The following UBAP1 variants were observed in gnomAD, a reference collection of about 807,000 sequenced individuals.
UBAP1 encodes ubiquitin associated protein 1, also known as ubiquitin-associated protein 1.
A neutral mutation model predicts 39.0 loss-of-function variants in UBAP1; 5 were observed. The ratio of observed to expected loss-of-function variants is 0.13; its 90% CI spans 0.07 to 0.27. The LOEUF (loss-of-function observed/expected upper bound fraction) is 0.27. Ranked by LOEUF, UBAP1 falls within the 10% of genes least tolerant of loss-of-function variation. UBAP1 has a pLI of 1.00. For missense variants in UBAP1, 490 were observed against 608.1 expected (o/e 0.81, Z 2.04); for synonymous variants, 211 against 225.1 (o/e 0.94, Z 0.56).
intron 1 of UBAP1, among the ~76,000 whole-genome samples, chr9:34,180,146 T>C (rs1387980475): frequency 6.6e-6 from 1 of 152,198 alleles, no homozygotes; most frequent in Non-Finnish European, 1.5e-5. Flanking sequence ...TTGTCAGATT[T>C]GATGGTGGGA....
At chr9:34,192,243 G>A (rs892068994) in intron 1 of UBAP1, among the ~76,000 whole-genome samples, 7 of 151,850 alleles carry the variant, frequency 4.6e-5, no homozygotes, top group South Asian at 4.2e-4. Context: ...CAGGCCAGGC[G>A]CGGTGGCTCA....
Position 34,236,276 on chromosome 9 carries a change from T to TGCTATACAGGTTTATAGCCTAGGA in UBAP1, c.159+1939_159+1962dup, listed in dbSNP as rs1350823775. Among the ~76,000 whole-genome samples, 28 of 152,284 alleles carry TGCTATACAGGTTTATAGCCTAGGA rather than the reference T, an allele frequency of 1.8e-4. No individual in the cohort carries two copies. The South Asian group carries it at 3.1e-3, about 17-fold the overall frequency. On this transcript the variant is annotated intron_variant, in intron 3 of 6. Transcript: ENST00000297661. ...GCCTACAGTATTCAGCATAGTAACA[T>TGCTATACAGGTTTATAGCCTAGGA]GCTATACAGGTTTATAGCCTAGGAG...
At chr9:34,249,990 G>A in intron 5 of UBAP1, 29 bp downstream of exon 5, 1 of 1,610,476 alleles carries the variant, frequency 6.2e-7, no homozygotes, top group African/African-American at 1.3e-5. Flanking sequence ...AGGAGGGCAG[G>A]CTCAGACCTG....
At chr9:34,179,288 G>T in intron 1 of UBAP1, 48 bp downstream of exon 1, 6 of 1,080,978 alleles carry the variant, frequency 5.6e-6, no homozygotes, top group Non-Finnish European at 7.0e-6. Context: ...GCGGAGTTGG[G>T]GGAGGGGGGC....
chr9:34,225,621 C>CA (rs200403643), intron 2 of UBAP1, among the ~76,000 whole-genome samples: 5,820 of 149,680 alleles, frequency 0.039, 158 homozygotes, highest in South Asian at 0.07. Context: ...ACTAAAAATA[C>CA]AAAAAAAAAT....
chr9:34,223,139 T>C (rs1832849311), intron 2 of UBAP1, among the ~76,000 whole-genome samples: 1 of 152,106 alleles, frequency 6.6e-6, no homozygotes, highest in South Asian at 2.1e-4. Flanking sequence ...TCTCCTTAAA[T>C]TCCTAACCAG....
At chr9:34,239,038 C>T (rs999611632) in intron 3 of UBAP1, among the ~76,000 whole-genome samples, 1 of 152,176 alleles carries the variant, frequency 6.6e-6, no homozygotes, top group Non-Finnish European at 1.5e-5. Context: ...TTTTTGTTCT[C>T]TAATGCACAA....
At chr9:34,203,828 C>A (rs1831533675) in intron 1 of UBAP1, among the ~76,000 whole-genome samples, 1 of 152,068 alleles carries the variant, frequency 6.6e-6, no homozygotes, top group African/African-American at 2.4e-5. Context: ...CAGTGTTCCC[C>A]TGGGGATTTG....
Position 34,242,035 on chromosome 9 carries a change from C to T in UBAP1, c.1010C>T (p.Ser337Phe), listed in dbSNP as rs776703270. 1.2e-6 allele frequency: 2 copies of T among 1,614,208 alleles called. No individual in the cohort carries two copies. Among genetic ancestry groups the T allele is most frequent in the East Asian group, 2.2e-5 (1 of 44,892 alleles). The change falls in exon 4 of 7, where the codon TCC becomes TTC. Residue 337 changes from serine to phenylalanine, a missense_variant. Ser to Phe is a radical substitution (Grantham distance 155). Around this residue, in one of 3 missense-constraint regions of UBAP1, gnomAD observed 339 missense variants for 390.0 expected, o/e 0.87. Coordinates refer to ENST00000297661, the MANE Select transcript of UBAP1 (RefSeq NM_016525.5). Reference protein sequence around the residue: ...DSGTEMPALTSSQMPSLSVLS... With the variant: ...DSGTEMPALTFSQMPSLSVLS... ...GGCACAGAGATGCCAGCCCTGACAT[C>T]CTCCCAGATGCCTTCCCTCTCTGTT...
At chr9:34,216,247 A>C (rs1215814854) in intron 1 of UBAP1, among the ~76,000 whole-genome samples, 2 of 151,996 alleles carry the variant, frequency 1.3e-5, no homozygotes, top group Admixed American at 1.3e-4. Flanking sequence ...ATAGCATGAA[A>C]TTAACCATGT....
At chr9:34,202,662 TGTGTGTGTGTGTGTGTCCCC>T (rs1210191941) in intron 1 of UBAP1, among the ~76,000 whole-genome samples, 1 of 147,042 alleles carries the variant, frequency 6.8e-6, no homozygotes, top group African/African-American at 2.5e-5. Flanking sequence ...TGTGTGTGTG[TGTGTGTGTGTGTGTGTCCCC>T]GTCCCCGTAT....
At chr9:34,246,653 C>T (rs1478408133) in intron 4 of UBAP1, among the ~76,000 whole-genome samples, 2 of 152,128 alleles carry the variant, frequency 1.3e-5, no homozygotes, top group African/African-American at 4.8e-5. Flanking sequence ...GCAGTGTGTC[C>T]GCTGAGTTGT....
intron 4 of UBAP1, among the ~76,000 whole-genome samples, chr9:34,249,530 A>T (rs1587892041): frequency 6.6e-6 from 1 of 152,098 alleles, no homozygotes; most frequent in South Asian, 2.1e-4. Flanking sequence ...CCAAAGTGGG[A>T]CTAGGGCAGA....
Position 34,196,879 on chromosome 9 carries a change from G to A in UBAP1, c.-8+17639G>A, listed in dbSNP as rs567299959. On this transcript the variant is annotated intron_variant, in intron 1 of 6. Transcript: ENST00000297661. ...TTTGTTTTCATTTTGTTCATGTATT[G>A]TCTTTCTAATATTGTTATTTGTGTG... 1.4e-3 allele frequency among the ~76,000 whole-genome samples: 206 copies of A among 148,892 alleles called. 1 individual carries two copies. Among genetic ancestry groups the A allele is most frequent in the Non-Finnish European group, 2.7e-3 (180 of 67,124 alleles).
In UBAP1 at chr9:34,217,783, CTTTTTTTTTTTTTT is replaced by C. The variant is rs750494361; in HGVS notation, c.-7-3108_-7-3095del. On this transcript the variant is annotated intron_variant, in intron 1 of 6. Coordinates refer to ENST00000297661, the MANE Select transcript of UBAP1 (RefSeq NM_016525.5). ...TTGTCATAAATGACAGGATTTCGTT[CTTTTTTTTTTTTTT>C]TTTTTTTTTTTTTTTTGAGACAGAC... Among the ~76,000 whole-genome samples, 42 of 41,226 alleles carry C rather than the reference CTTTTTTTTTTTTTT, an allele frequency of 1.0e-3. No individual in the cohort carries two copies. The South Asian group carries it at 0.026, about 25-fold the overall frequency. The allele number at this position is 41,226 out of a possible 152,430, so 27.0% of individuals were successfully genotyped here. A position where few individuals can be genotyped will look rare whatever the true frequency, so the allele number is the denominator to read the frequency against.
intron 1 of UBAP1, among the ~76,000 whole-genome samples, chr9:34,189,001 T>G (rs898579952): frequency 6.6e-6 from 1 of 151,942 alleles, no homozygotes; most frequent in Non-Finnish European, 1.5e-5. Context: ...TTTGCCTGTC[T>G]TTTGCTTCAT....
chr9:34,198,573 G>A (rs979351183), intron 1 of UBAP1, among the ~76,000 whole-genome samples: 1 of 152,238 alleles, frequency 6.6e-6, no homozygotes, highest in African/African-American at 2.4e-5. Flanking sequence ...GATGGGCAGA[G>A]CTGGTGGTTG....
In UBAP1 at chr9:34,183,877, TCTC is replaced by T. The variant is rs899357228; in HGVS notation, c.-8+4640_-8+4642del. ...CTGCCGCCTCCCGGGTTCAAGTGAT[TCTC>T]CTACCCCAGGCTCCCGAGTAGCTGG... On this transcript the variant is annotated intron_variant, in intron 1 of 6. Transcript: ENST00000297661. 1.6e-3 allele frequency among the ~76,000 whole-genome samples: 246 copies of T among 151,886 alleles called. 4 individuals carry two copies. The highest frequency in any genetic ancestry group is 6.2e-4 in the Non-Finnish European group (42 of 67,942).
At position 34,181,724 on chromosome 9, in the gene UBAP1, G is replaced by A. The variant is rs1478000023; in HGVS notation, c.-8+2484G>A. Reference sequence around the variant, plus strand: ...TGGGATTACAGGCGTGAGCCACCGTGCCAGGCCTTTTTTTTTTTTTTTTTA... The same window carrying A: ...TGGGATTACAGGCGTGAGCCACCGTACCAGGCCTTTTTTTTTTTTTTTTTA... On this transcript the variant is annotated intron_variant, in intron 1 of 6. Transcript: ENST00000297661. 2.8e-5 allele frequency among the ~76,000 whole-genome samples: 4 copies of A among 142,450 alleles called. No individual in the cohort carries two copies. In the South Asian group the frequency reaches 8.8e-4, roughly 31 times the overall value. The allele number at this position is 142,450 out of a possible 152,430, so 93.5% of individuals were successfully genotyped here. A position where few individuals can be genotyped will look rare whatever the true frequency, so the allele number is the denominator to read the frequency against.
Sources: gnomAD v4.1 joint callset for allele counts (sites outside exome capture counted in the v4.1 genomes callset) on GRCh38, gnomAD v4.1.1 for gene constraint, gnomAD v4.1.1 regional missense constraint, MANE v1.5 for transcripts, NCBI Gene and HGNC (gene_info 2026-07-23, HGNC 2026-07-21) for gene names.